Variants in THSD7B observed in about 807,000 individuals in gnomAD.
The protein encoded by THSD7B is thrombospondin type 1 domain containing 7B, also known as thrombospondin type-1 domain-containing protein 7B.
Under a neutral mutation model 213.6 loss-of-function variants are expected in THSD7B, and 138 were observed. The observed-to-expected ratio is 0.65, with a 90% confidence interval of 0.56 to 0.74. The LOEUF is 0.74. Ranked by LOEUF, THSD7B falls within the 30% of genes least tolerant of loss-of-function variation. The pLI, the probability that THSD7B is intolerant of heterozygous loss-of-function variation, is 0.00. For missense variants in THSD7B, 1,931 were observed against 1,991.5 expected, an observed-to-expected ratio of 0.97 and a Z score of 0.58; for synonymous variants, 742 against 687.0, an observed-to-expected ratio of 1.08 and a Z score of -1.25.
intron 15 of THSD7B, among the ~76,000 whole-genome samples, chr2:137,467,983 G>C (rs1268458887): frequency 6.6e-6 from 1 of 152,106 alleles, no homozygotes; most frequent in Non-Finnish European, 1.5e-5. Flanking sequence ...TGATTTAAAG[G>C]CATAGTAAAA....
chr2:137,235,204 C>A (rs1681738193), intron 9 of THSD7B, among the ~76,000 whole-genome samples: 1 of 151,962 alleles, frequency 6.6e-6, no homozygotes, highest in Admixed American at 6.6e-5. Context: ...ATTTTTATGA[C>A]CTGAATTTTC....
chr2:137,087,936 A>T lies in THSD7B; in HGVS notation c.951-6937A>T, dbSNP rs1233954272. ...GCCATAGTCACCAAAACAGCATGGT[A>T]CTGGTATAAAATAGGTACACAGGCC... On this transcript the variant is annotated intron_variant, in intron 3 of 27. Transcript: ENST00000409968. 5.9e-5 allele frequency among the ~76,000 whole-genome samples: 9 copies of T among 152,086 alleles called. No individual in the cohort carries two copies. The East Asian group carries it at 1.7e-3, about 29-fold the overall frequency.
At chr2:137,597,874 CTCTATA>C (rs1381033040) in intron 17 of THSD7B, among the ~76,000 whole-genome samples, 1 of 152,068 alleles carries the variant, frequency 6.6e-6, no homozygotes, top group Non-Finnish European at 1.5e-5. Flanking sequence ...TAATTACATT[CTCTATA>C]TCTAGAGATA....
intron 3 of THSD7B, among the ~76,000 whole-genome samples, chr2:137,092,728 A>G (rs1168700663): frequency 6.6e-6 from 1 of 152,108 alleles, no homozygotes; most frequent in Non-Finnish European, 1.5e-5. Context: ...CCCTCCTCCC[A>G]GGTTCAAGCA....
chr2:137,056,833 T>C lies in THSD7B; in HGVS notation c.553T>C (p.Phe185Leu). The change falls in exon 3 of 28, where the codon TTC (phenylalanine) becomes CTC (leucine). Residue 185 changes from phenylalanine to leucine, a missense_variant. Physicochemically the swap from Phe to Leu is conservative, Grantham distance 22 (BLOSUM62 0). Coordinates refer to ENST00000409968, the MANE Select transcript of THSD7B (RefSeq NM_001316349.2). ...PCPRDCVVSE[F>L]LPWSNCSKGC... The stretch of plus-strand genomic sequence containing the variant: ...TCCCCGGGATTGTGTAGTATCTGAG[T>C]TCTTACCATGGTCCAACTGTAGCAA... 6.2e-7 allele frequency: 1 copy of C among 1,613,916 alleles called. No individual in the cohort carries two copies. Among genetic ancestry groups the C allele is most frequent in the African/African-American group, 1.3e-5 (1 of 75,006 alleles).
intron 12 of THSD7B, among the ~76,000 whole-genome samples, chr2:137,363,944 A>G (rs1207645305): frequency 1.3e-5 from 2 of 152,228 alleles, no homozygotes; most frequent in Non-Finnish European, 2.9e-5. Flanking sequence ...CAAAAAAAAG[A>G]GAATTTTAGA....
intron 15 of THSD7B, among the ~76,000 whole-genome samples, chr2:137,491,738 A>G (rs940696599): frequency 6.6e-6 from 1 of 152,208 alleles, no homozygotes; most frequent in African/African-American, 2.4e-5. Context: ...CCTTTTAAAA[A>G]GATTTATGTC....
chr2:137,504,324 T>G (rs1395184087), intron 15 of THSD7B, among the ~76,000 whole-genome samples: 1 of 152,194 alleles, frequency 6.6e-6, no homozygotes, highest in African/African-American at 2.4e-5. Flanking sequence ...GCAAAAGAAA[T>G]CCTTCCTCTG....
chr2:136,806,057 T>C (rs983912118), intron 1 of THSD7B, among the ~76,000 whole-genome samples: 4 of 152,210 alleles, frequency 2.6e-5, no homozygotes, highest in African/African-American at 9.6e-5. Context: ...TGGGAGTCCC[T>C]CAGGGAAATT....
intron 12 of THSD7B, among the ~76,000 whole-genome samples, chr2:137,318,975 C>T (rs1221780346): frequency 1.3e-5 from 2 of 151,464 alleles, no homozygotes; most frequent in African/African-American, 4.9e-5. Flanking sequence ...TGAATTGTCT[C>T]ACAATGGAAA....
intron 2 of THSD7B, among the ~76,000 whole-genome samples, chr2:137,051,812 G>T (rs1687076373): frequency 1.3e-5 from 2 of 152,116 alleles, no homozygotes; most frequent in African/African-American, 4.8e-5. Flanking sequence ...TATGGAGAGT[G>T]TGCTTATTTT....
At chr2:137,610,690 A>G (rs1317163505) in intron 17 of THSD7B, among the ~76,000 whole-genome samples, 1 of 152,114 alleles carries the variant, frequency 6.6e-6, no homozygotes, top group Admixed American at 6.6e-5. Flanking sequence ...ACCTAACTCC[A>G]TACCCATTTC....
intron 10 of THSD7B, among the ~76,000 whole-genome samples, chr2:137,256,164 C>T (rs1459679413): frequency 2.6e-5 from 4 of 152,108 alleles, no homozygotes; most frequent in Non-Finnish European, 4.4e-5. Flanking sequence ...AAAGTAATTA[C>T]CTAAATATTT....
chr2:137,033,779 AT>A (rs956281530), intron 2 of THSD7B, among the ~76,000 whole-genome samples: 14 of 151,628 alleles, frequency 9.2e-5, no homozygotes, highest in Admixed American at 5.3e-4. Flanking sequence ...CACCCAGCTA[AT>A]TTTTTTTAAC....
At chr2:137,046,326 A>G (rs914464972) in intron 2 of THSD7B, among the ~76,000 whole-genome samples, 1 of 152,196 alleles carries the variant, frequency 6.6e-6, no homozygotes, top group African/African-American at 2.4e-5. Context: ...GTAGGAGAAT[A>G]AAGTACTATC....
chr2:136,994,713 C>T (rs913229783), intron 2 of THSD7B, among the ~76,000 whole-genome samples: 4 of 152,222 alleles, frequency 2.6e-5, no homozygotes, highest in East Asian at 3.9e-4. Context: ...CTCCTTTACA[C>T]GTATATGTAC....
chr2:136,870,071 C>CAA (rs5834512), intron 1 of THSD7B, among the ~76,000 whole-genome samples: 16,931 of 130,140 alleles, frequency 0.13, 1,595 homozygotes, highest in East Asian at 0.34. Context: ...GACTCCGTCT[C>CAA]AAAAAAAAAA....
At chr2:137,497,611 G>A (rs906204474) in intron 15 of THSD7B, among the ~76,000 whole-genome samples, 3 of 151,932 alleles carry the variant, frequency 2.0e-5, no homozygotes, top group Non-Finnish European at 4.4e-5. Context: ...GTATGTGTGT[G>A]TGTGTGTTAT....
At chr2:137,272,234 G>C (rs985807602) in intron 10 of THSD7B, among the ~76,000 whole-genome samples, 3 of 151,984 alleles carry the variant, frequency 2.0e-5, no homozygotes, top group Non-Finnish European at 4.4e-5. Flanking sequence ...AGGTTTCTGG[G>C]GCCCCTTCGA....
Sources: gnomAD v4.1 joint callset for allele counts (sites outside exome capture counted in the v4.1 genomes callset) on GRCh38, gnomAD v4.1.1 for gene constraint, MANE v1.5 for transcripts, NCBI Gene and HGNC (gene_info 2026-07-23, HGNC 2026-07-21) for gene names.